ALK: variants seen among roughly 807,000 people sequenced by gnomAD.
The protein encoded by ALK is ALK receptor tyrosine kinase, also known as ALK tyrosine kinase receptor.
ALK carries 74 observed loss-of-function variants against 163.1 expected under a neutral mutation model. The observed-to-expected ratio is 0.45, with a 90% CI of 0.38 to 0.55. The LOEUF (loss-of-function observed/expected upper bound fraction) is 0.55, where lower values mean the gene tolerates loss of function less well. ALK is among the 20% of genes least tolerant of loss of function. The probability of loss-of-function intolerance (pLI) is 0.00; values close to 1 mark genes in which losing one functional copy is unlikely to be tolerated. For synonymous variants in ALK, 960 were observed against 843.2 expected (o/e 1.14, Z -2.40); for missense variants, 2,063 against 2,105.3 (o/e 0.98, Z 0.39).
rs1558654899 is a variant in ALK at position 29,288,961 on chromosome 2, AAT to A, written c.1817+7925_1817+7926del. On this transcript the variant is annotated intron_variant, in intron 9 of 28. Transcript: ENST00000389048. ...AGGGAGACTCCTTCTCAAAAAAATA[AAT>A]AAATAAATAAATAAATAAATAAATA... Among the ~76,000 whole-genome samples the A allele has an allele frequency of 4.7e-4, 55 of 117,046 alleles. 8 individuals carry two copies. Among genetic ancestry groups the A allele is most frequent in the South Asian group, 4.0e-3 (14 of 3,484 alleles). 76.8% of individuals were successfully genotyped at this position (117,046 alleles called of 152,430 possible).
chr2:29,342,870 C>T (rs1667834276), intron 5 of ALK, among the ~76,000 whole-genome samples: 1 of 142,384 alleles, frequency 7.0e-6, no homozygotes, highest in African/African-American at 2.6e-5. Flanking sequence ...GCTGTGTGCT[C>T]AGTGATCTTT....
At chr2:29,588,315 C>T (rs964084460) in intron 3 of ALK, among the ~76,000 whole-genome samples, 2 of 152,136 alleles carry the variant, frequency 1.3e-5, no homozygotes, top group African/African-American at 4.8e-5. Flanking sequence ...ATTGCAACCC[C>T]CACCCACCAG....
chr2:29,563,793 TC>T (rs1674094837), intron 3 of ALK, among the ~76,000 whole-genome samples: 1 of 152,138 alleles, frequency 6.6e-6, no homozygotes, highest in Non-Finnish European at 1.5e-5. Flanking sequence ...ATGAGAATAG[TC>T]CCTTCCTAAA....
At chr2:29,629,159 C>T (rs1676286761) in intron 3 of ALK, among the ~76,000 whole-genome samples, 1 of 152,206 alleles carries the variant, frequency 6.6e-6, no homozygotes, top group African/African-American at 2.4e-5. Flanking sequence ...ACTCGCTTTC[C>T]TCACACATGT....
chr2:29,348,743 G>A (rs1391808053), intron 5 of ALK, among the ~76,000 whole-genome samples: 1 of 152,210 alleles, frequency 6.6e-6, no homozygotes, highest in Non-Finnish European at 1.5e-5. Context: ...AGATCACATA[G>A]AAGGAATGAG....
chr2:29,357,842 T>C (rs1668288938), intron 5 of ALK, among the ~76,000 whole-genome samples: 1 of 152,244 alleles, frequency 6.6e-6, no homozygotes, highest in Non-Finnish European at 1.5e-5. Context: ...ATATGGTAGA[T>C]GAGGTTGTAT....
intron 3 of ALK, among the ~76,000 whole-genome samples, chr2:29,578,677 G>A (rs935483103): frequency 6.6e-6 from 1 of 152,136 alleles, no homozygotes; most frequent in African/African-American, 2.4e-5. Context: ...ATGATGAAGG[G>A]GTCACCCGGA....
chr2:29,558,689 A>G (rs554372540), intron 3 of ALK, among the ~76,000 whole-genome samples: 31 of 152,088 alleles, frequency 2.0e-4, no homozygotes, highest in East Asian at 1.9e-3. Context: ...CCTGTAGCCA[A>G]ATCTTTGGGT....
intron 4 of ALK, among the ~76,000 whole-genome samples, chr2:29,430,938 C>A (rs1328847793): frequency 6.6e-6 from 1 of 151,582 alleles, no homozygotes; most frequent in Non-Finnish European, 1.5e-5. Context: ...AGATTGACTG[C>A]AGCTGGGCTG....
chr2:29,567,568 C>T lies in ALK; in HGVS notation c.953-35452G>A, dbSNP rs146111729. Among the ~76,000 whole-genome samples, 112 of 152,274 alleles carry T rather than the reference C, an allele frequency of 7.4e-4. 3 individuals are homozygous for T. The highest frequency in any genetic ancestry group is 6.0e-3 in the Admixed American group (91 of 15,290). ...TGCCTTCAGACAGGAGGTTCACAAT[C>T]ACACAATATCATTAACTTATTGCTT... On this transcript the variant is annotated intron_variant, in intron 3 of 28. Coordinates refer to ENST00000389048, the MANE Select transcript of ALK (RefSeq NM_004304.5).
rs771451828 is a variant in ALK, at chr2:29,319,669, G to T, written c.1546+1082C>A. 7.9e-5 allele frequency among the ~76,000 whole-genome samples: 12 copies of T among 152,364 alleles called. No homozygotes were observed. In the South Asian group the frequency reaches 1.2e-3, roughly 16 times the overall value. On this transcript the variant is annotated intron_variant, in intron 7 of 28. Transcript: ENST00000389048. ...GCATGTCTGCTCTAGGAGGCAGTGG[G>T]AGCCCTGTCACTGGCGGTATTCCGC...
At chr2:29,541,344 G>A (rs988723322) in intron 3 of ALK, among the ~76,000 whole-genome samples, 1 of 152,212 alleles carries the variant, frequency 6.6e-6, no homozygotes, top group Admixed American at 6.5e-5. Context: ...TTGCTCTGGA[G>A]TGCAGTGGCA....
At chr2:29,716,994 TC>T (rs1679275985) in intron 2 of ALK, among the ~76,000 whole-genome samples, 1 of 98,612 alleles carries the variant, frequency 1.0e-5, no homozygotes, top group African/African-American at 4.2e-5. Context: ...CTACCAAAAA[TC>T]CAAAAAAAAA....
chr2:29,765,291 T>C (rs918190789), intron 1 of ALK, among the ~76,000 whole-genome samples: 15 of 152,206 alleles, frequency 9.9e-5, no homozygotes, highest in African/African-American at 3.6e-4. Flanking sequence ...ATCGAAAGTT[T>C]TGAAGTATAT....
chr2:29,617,663 A>G (rs868343560), intron 3 of ALK, among the ~76,000 whole-genome samples: 28 of 152,050 alleles, frequency 1.8e-4, no homozygotes, highest in African/African-American at 6.8e-4. Context: ...CCTTCCCTTG[A>G]CCCACTCATC....
At chr2:29,388,977 C>A (rs929974975) in intron 4 of ALK, among the ~76,000 whole-genome samples, 2 of 152,218 alleles carry the variant, frequency 1.3e-5, no homozygotes, top group Non-Finnish European at 2.9e-5. Context: ...CAAAGGCCTC[C>A]ATCTCACTTA....
chr2:29,346,955 C>T (rs748537101), intron 5 of ALK, among the ~76,000 whole-genome samples: 4 of 152,198 alleles, frequency 2.6e-5, no homozygotes, highest in Non-Finnish European at 5.9e-5. Flanking sequence ...AAATCCTTAC[C>T]CGATGGTCAG....
intron 1 of ALK, among the ~76,000 whole-genome samples, chr2:29,764,071 C>T (rs528866293): frequency 6.6e-6 from 1 of 152,302 alleles, no homozygotes; most frequent in South Asian, 2.1e-4. Context: ...TCACCCAGAA[C>T]CAGAATCCAG....
At chr2:29,224,147 G>A (rs1663850995) in intron 19 of ALK, among the ~76,000 whole-genome samples, 2 of 152,210 alleles carry the variant, frequency 1.3e-5, no homozygotes, top group Admixed American at 6.5e-5. Context: ...GTGGATTTGA[G>A]GGTGCAGCTG....
Sources: gnomAD v4.1 joint callset for allele counts (sites outside exome capture counted in the v4.1 genomes callset) on GRCh38, gnomAD v4.1.1 for gene constraint, MANE v1.5 for transcripts, NCBI Gene and HGNC (gene_info 2026-07-23, HGNC 2026-07-21) for gene names.